Variants in CSNK1G1 observed in about 807,000 individuals in gnomAD.
CSNK1G1 encodes casein kinase 1 gamma 1, also known as casein kinase I isoform gamma-1.
In CSNK1G1, 22 loss-of-function variants were observed where a neutral mutation model predicts 59.6. That is an observed-to-expected ratio of 0.37 (90% confidence interval 0.26 to 0.53). The LOEUF is 0.53. Ranked by LOEUF, CSNK1G1 falls within the 20% of genes least tolerant of loss-of-function variation. The pLI is 0.89. For synonymous variants in CSNK1G1, 179 were observed against 177.1 expected (o/e 1.01, Z -0.08); for missense variants, 384 against 519.5 (o/e 0.74, Z 2.54).
intron 1 of CSNK1G1, among the ~76,000 whole-genome samples, chr15:64,352,447 C>CTTCTTTTTTTTTTTTTTTTTTTTTTTTT (rs1566958699): frequency 1.8e-4 from 16 of 89,408 alleles, no homozygotes; most frequent in Non-Finnish European, 2.6e-4. Context: ...TTGAATTCTT[C>CTTCTTTTTTTTTTTTTTTTTTTTTTTTT]TTTTTTTTTT....
intron 2 of CSNK1G1, 35 bp downstream of exon 2, chr15:64,300,282 TTG>T (rs1895255043): frequency 1.3e-6 from 2 of 1,584,314 alleles, no homozygotes; most frequent in African/African-American, 2.7e-5. Flanking sequence ...ATAGGTATTG[TTG>T]TTAGTAGAAG....
intron 4 of CSNK1G1, among the ~76,000 whole-genome samples, chr15:64,249,652 G>A (rs1891964505): frequency 6.6e-6 from 1 of 152,188 alleles, no homozygotes; most frequent in Non-Finnish European, 1.5e-5. Flanking sequence ...ACCAGTCTCA[G>A]AGATTCCAGT....
At chr15:64,299,980 T>C (rs1489699594) in intron 2 of CSNK1G1, among the ~76,000 whole-genome samples, 1 of 152,170 alleles carries the variant, frequency 6.6e-6, no homozygotes, top group Non-Finnish European at 1.5e-5. Flanking sequence ...CTGCATCACC[T>C]GGAATTTGTA....
At chr15:64,276,008 C>T (rs1893592452) in intron 2 of CSNK1G1, among the ~76,000 whole-genome samples, 1 of 152,152 alleles carries the variant, frequency 6.6e-6, no homozygotes, top group African/African-American at 2.4e-5. Context: ...TAAGGTATTA[C>T]ACATGATATT....
At chr15:64,174,822 C>T (rs2081722281) in intron 11 of CSNK1G1, among the ~76,000 whole-genome samples, 1 of 152,152 alleles carries the variant, frequency 6.6e-6, no homozygotes, top group Non-Finnish European at 1.5e-5. Flanking sequence ...TAATACTTAA[C>T]TCAAGTCCTA....
intron 6 of CSNK1G1, among the ~76,000 whole-genome samples, chr15:64,212,038 G>C (rs990172617): frequency 1.3e-5 from 2 of 152,214 alleles, no homozygotes; most frequent in African/African-American, 4.8e-5. Flanking sequence ...AGGGGATGCT[G>C]AGCACTATGC....
chr15:64,276,136 G>T (rs539488985), intron 2 of CSNK1G1, among the ~76,000 whole-genome samples: 2 of 152,188 alleles, frequency 1.3e-5, no homozygotes, highest in East Asian at 3.9e-4. Context: ...GAAGTTGAAA[G>T]TCATTTATAA....
chr15:64,258,287 G>A (rs889393700), intron 3 of CSNK1G1, among the ~76,000 whole-genome samples: 1 of 151,918 alleles, frequency 6.6e-6, no homozygotes, highest in Non-Finnish European at 1.5e-5. Flanking sequence ...GCAGACTGAA[G>A]TGGGAAGATT....
chr15:64,269,124 C>T (rs566497040), intron 2 of CSNK1G1, among the ~76,000 whole-genome samples: 57 of 152,204 alleles, frequency 3.7e-4, no homozygotes, highest in Non-Finnish European at 5.7e-4. Context: ...TATGTATAGC[C>T]CACATTTATT....
At position 64,167,145 on chromosome 15, in the gene CSNK1G1, C is replaced by T. The variant is rs539831739; in HGVS notation, c.*4786G>A. ...AGAAAACTATTTTTTTGTACTTAGT[C>T]ACCTGCAAAAGGAGTTAGGAAAAAC... On this transcript the variant is annotated 3_prime_UTR_variant, in exon 12 of 12. Coordinates refer to ENST00000303052, the MANE Select transcript of CSNK1G1 (RefSeq NM_022048.5). 2 of 152,304 alleles carry T rather than the reference C, an allele frequency of 1.3e-5. No homozygotes were observed. Among genetic ancestry groups the T allele is most frequent in the Admixed American group, 1.3e-4 (2 of 15,304 alleles). The allele number at this position is 152,304 out of a possible 1,614,324, so 9.4% of individuals were successfully genotyped here.
rs906423870 is a variant in CSNK1G1, at chr15:64,329,890, C to A, written c.-225+26098G>T. ...TACAAACTACCATCAGAGAATACTA[C>A]AAACACCTCTACACAAATAAACTAG... is the stretch of plus-strand genomic sequence containing the variant. On this transcript the variant is annotated intron_variant, in intron 1 of 11. Transcript: ENST00000303052. 3.6e-5 allele frequency among the ~76,000 whole-genome samples: 5 copies of A among 138,720 alleles called. No individual in the cohort carries two copies. The East Asian group carries it at 6.4e-4, about 18-fold the overall frequency. The allele number at this position is 138,720 out of a possible 152,430, so 91.0% of individuals were successfully genotyped here.
chr15:64,335,861 C>G (rs984841630), intron 1 of CSNK1G1: 1 of 152,066 alleles, frequency 6.6e-6, no homozygotes, highest in African/African-American at 2.4e-5. Context: ...ATTTCAAAAA[C>G]CTAAGAATAA....
At chr15:64,314,041 G>A (rs1206661801) in intron 1 of CSNK1G1, among the ~76,000 whole-genome samples, 4 of 151,990 alleles carry the variant, frequency 2.6e-5, no homozygotes, top group East Asian at 3.9e-4. Flanking sequence ...AACACAAATC[G>A]GGACGATGCT....
chr15:64,197,052 T>C (rs868350689), intron 10 of CSNK1G1, among the ~76,000 whole-genome samples: 3 of 152,164 alleles, frequency 2.0e-5, no homozygotes, highest in Admixed American at 2.0e-4. Flanking sequence ...ATTCTAAACA[T>C]TGGTTTGGGT....
At chr15:64,308,074 T>C (rs1466785545) in intron 1 of CSNK1G1, among the ~76,000 whole-genome samples, 1 of 152,168 alleles carries the variant, frequency 6.6e-6, no homozygotes, top group Non-Finnish European at 1.5e-5. Context: ...CCACTTAATC[T>C]ATAATACTTA....
At chr15:64,283,336 A>C (rs985310852) in intron 2 of CSNK1G1, among the ~76,000 whole-genome samples, 5 of 151,402 alleles carry the variant, frequency 3.3e-5, no homozygotes, top group African/African-American at 1.2e-4. Context: ...ACTGACTTTT[A>C]AGTTTCTTTT....
chr15:64,187,867 A>G (rs2081918984), intron 10 of CSNK1G1, among the ~76,000 whole-genome samples: 1 of 152,256 alleles, frequency 6.6e-6, no homozygotes, highest in Admixed American at 6.5e-5. Flanking sequence ...AATTTTCTTA[A>G]GATCACATTG....
chr15:64,326,840 G>A (rs1237602031), intron 1 of CSNK1G1, among the ~76,000 whole-genome samples: 6 of 150,842 alleles, frequency 4.0e-5, no homozygotes, highest in African/African-American at 9.8e-5. Flanking sequence ...GCCGAAGCAG[G>A]GCGAGGCATT....
intron 4 of CSNK1G1, among the ~76,000 whole-genome samples, chr15:64,226,348 A>G (rs2082460909): frequency 6.6e-6 from 1 of 152,166 alleles, no homozygotes; most frequent in Non-Finnish European, 1.5e-5. Flanking sequence ...TCACGAGGTC[A>G]GGAGATCAAG....
Sources: gnomAD v4.1 joint callset for allele counts (sites outside exome capture counted in the v4.1 genomes callset) on GRCh38, gnomAD v4.1.1 for gene constraint, MANE v1.5 for transcripts, NCBI Gene and HGNC (gene_info 2026-07-23, HGNC 2026-07-21) for gene names.